CACNA1B: variants seen among roughly 807,000 people sequenced by gnomAD.
CACNA1B encodes voltage-dependent N-type calcium channel subunit alpha-1B.
A neutral mutation model predicts 247.2 loss-of-function variants in CACNA1B; 70 were observed. The ratio of observed to expected loss-of-function variants is 0.28; its 90% CI spans 0.23 to 0.35. The LOEUF is 0.35. Ranked by LOEUF, CACNA1B falls within the 10% of genes least tolerant of loss-of-function variation. CACNA1B has a pLI of 1.00. For missense variants in CACNA1B, 2,367 were observed against 3,197.4 expected (o/e 0.74, Z 6.26); for synonymous variants, 1,231 against 1,294.4 (o/e 0.95, Z 1.05).
chr9:138,025,851 A>G (rs760060170), intron 20 of CACNA1B, among the ~76,000 whole-genome samples: 17 of 152,146 alleles, frequency 1.1e-4, no homozygotes, highest in Non-Finnish European at 2.9e-5. Flanking sequence ...GGGAAGGTGC[A>G]TGGGCGTTTC....
At chr9:138,047,713 T>G (rs533264334) in intron 23 of CACNA1B, among the ~76,000 whole-genome samples, 6 of 152,376 alleles carry the variant, frequency 3.9e-5, no homozygotes, top group Admixed American at 6.5e-5. Flanking sequence ...CTCTGGTTTC[T>G]TGAACACATG....
chr9:138,096,317 G>A (rs577058617), intron 36 of CACNA1B, among the ~76,000 whole-genome samples, 167 bp from the exon 37 acceptor site: 2 of 152,204 alleles, frequency 1.3e-5, no homozygotes, highest in Non-Finnish European at 2.9e-5. Context: ...CGTGAAGGCA[G>A]GAAGTCTTGG....
At position 137,957,318 on chromosome 9, in the gene CACNA1B, A is replaced by T. The variant is rs974413646; in HGVS notation, c.1244-280A>T. ...GTAGTCCTGGCCTTGCCCCAGATGG[A>T]CGTTTCCTGGTCTCCCTGGTGGCCA... On this transcript the variant is annotated intron_variant, in intron 9 of 46. Coordinates refer to ENST00000371372, the MANE Select transcript of CACNA1B (RefSeq NM_000718.4). This position sits in a 1 kb window ranked among gnomAD's most constrained non-coding sequence, Gnocchi z 4.7. Among the ~76,000 whole-genome samples, 21 of 152,220 alleles carry T rather than the reference A, an allele frequency of 1.4e-4. No homozygotes were observed. Among genetic ancestry groups the T allele is most frequent in the Admixed American group, 1.2e-3 (18 of 15,302 alleles).
intron 6 of CACNA1B, among the ~76,000 whole-genome samples, chr9:137,935,075 A>G (rs1179976171): frequency 2.0e-5 from 3 of 152,220 alleles, no homozygotes; most frequent in Non-Finnish European, 4.4e-5. Context: ...GGAAGTCAAA[A>G]AATGATACGA....
intron 3 of CACNA1B, among the ~76,000 whole-genome samples, chr9:137,907,107 T>C (rs1036625471): frequency 1.3e-5 from 2 of 152,232 alleles, no homozygotes; most frequent in African/African-American, 4.8e-5. Context: ...TATCCATAAA[T>C]GATGTAGCGT....
rs1957923799 is a variant in CACNA1B, at chr9:137,954,743, C to T, written c.1071-955C>T. Among the ~76,000 whole-genome samples the T allele has an allele frequency of 6.6e-6, 1 of 152,040 alleles. No homozygotes were observed. Among genetic ancestry groups the T allele is most frequent in the Admixed American group, 6.5e-5 (1 of 15,276 alleles). The stretch of plus-strand genomic sequence containing the variant: ...TGGGCTGTAGCAGCTCAGTGCCTAG[C>T]GGACACTGGCCCTGCGCCCAGGGTC... On this transcript the variant is annotated intron_variant, in intron 7 of 46. Transcript: ENST00000371372. The surrounding 1 kb of genome is among the most constrained non-coding windows in gnomAD (Gnocchi z 4.1).
rs1375671431 is a variant in CACNA1B at position 138,023,092 on chromosome 9, C to G, written c.2349C>G (p.Ser783Arg). 5.9e-6 allele frequency: 9 copies of G among 1,531,170 alleles called. No individual in the cohort carries two copies. Among genetic ancestry groups the G allele is most frequent in the Non-Finnish European group, 7.9e-6 (9 of 1,145,854 alleles). 94.8% of individuals were successfully genotyped at this position (1,531,170 alleles called of 1,614,324 possible). A position where few individuals can be genotyped will look rare whatever the true frequency, so the allele number is the denominator to read the frequency against. ...SQLRLQNLRA[S>R]CEALYSEMDP... ...TACGGCTGCAGAACCTGCGGGCCAG[C>G]TGCGAGGCGCTGTACAGCGAGATGG... The change falls in exon 19 of 47, where the codon AGC becomes AGG. Residue 783 changes from serine (S) to arginine (R), a missense_variant. Physicochemically the swap from Ser to Arg is moderately radical, Grantham distance 110. Around this residue, in one of 12 missense-constraint regions of CACNA1B, gnomAD observed 631 missense variants for 631.1 expected, o/e 1.00. Coordinates refer to ENST00000371372, the MANE Select transcript of CACNA1B (RefSeq NM_000718.4).
chr9:138,098,023 G>A (rs1961114038), intron 37 of CACNA1B, among the ~76,000 whole-genome samples: 1 of 152,228 alleles, frequency 6.6e-6, no homozygotes, highest in Non-Finnish European at 1.5e-5. Flanking sequence ...GCCCTGGGAT[G>A]GGGCCTCTCC....
chr9:138,010,618 C>T lies in CACNA1B; in HGVS notation c.2160+541C>T, dbSNP rs1253748425. 6.6e-6 allele frequency among the ~76,000 whole-genome samples: 1 copy of T among 152,088 alleles called. No homozygotes were observed. The highest frequency in any genetic ancestry group is 1.5e-5 in the Non-Finnish European group (1 of 67,998). On this transcript the variant is annotated intron_variant, in intron 17 of 46. Transcript: ENST00000371372. This position sits in a 1 kb window ranked among gnomAD's most constrained non-coding sequence, Gnocchi z 5.3. The stretch of plus-strand genomic sequence containing the variant: ...CGCAGGCTTGTGTGTTGACTCAAGC[C>T]CTAGCTCCTAGTAGAGGTGGTGCTG...
At chr9:138,028,022 C>CTT (rs1226057823) in intron 20 of CACNA1B, among the ~76,000 whole-genome samples, 3 of 141,110 alleles carry the variant, frequency 2.1e-5, no homozygotes, top group Admixed American at 7.1e-5. Flanking sequence ...TCCCCCCCAA[C>CTT]CTTTTTTTTT....
chr9:137,901,350 T>A (rs566703027), intron 3 of CACNA1B, among the ~76,000 whole-genome samples: 1 of 151,820 alleles, frequency 6.6e-6, no homozygotes, highest in Non-Finnish European at 1.5e-5. Flanking sequence ...CCTGTGTCCG[T>A]GTGTCTGTGT....
rs1157373665 is a variant in CACNA1B at position 137,899,664 on chromosome 9, T to C, written c.531-13516T>C. On this transcript the variant is annotated intron_variant, in intron 3 of 46. Coordinates refer to ENST00000371372, the MANE Select transcript of CACNA1B (RefSeq NM_000718.4). The surrounding 1 kb of genome is among the most constrained non-coding windows in gnomAD (Gnocchi z 5.0). ...AACTGCCGGCTCTCTCCATGGCAACTGCAAGCAGGCTTCTGGGTGAGAACC... is the reference window on the plus strand; with the variant it reads ...AACTGCCGGCTCTCTCCATGGCAACCGCAAGCAGGCTTCTGGGTGAGAACC... 6.6e-6 allele frequency among the ~76,000 whole-genome samples: 1 copy of C among 152,182 alleles called. No homozygotes were observed. The highest frequency in any genetic ancestry group is 1.5e-5 in the Non-Finnish European group (1 of 68,026).
intron 39 of CACNA1B, among the ~76,000 whole-genome samples, chr9:138,108,528 G>C (rs1368679837): frequency 6.6e-6 from 1 of 152,116 alleles, no homozygotes; most frequent in Non-Finnish European, 1.5e-5. Context: ...TTTATTTTCA[G>C]AGGCCAGCTT....
rs968448472 is a variant in CACNA1B at position 137,955,153 on chromosome 9, A to T, written c.1071-545A>T. Among the ~76,000 whole-genome samples the T allele has an allele frequency of 6.6e-6, 1 of 151,610 alleles. No homozygotes were observed. Among genetic ancestry groups the T allele is most frequent in the South Asian group, 2.1e-4 (1 of 4,794 alleles). The stretch of plus-strand genomic sequence containing the variant: ...GAGGCTACGTGGACTCTGCGGTATT[A>T]CCCTTCTGCCTCTGGCCTGCCCTGA... On this transcript the variant is annotated intron_variant, in intron 7 of 46. Coordinates refer to ENST00000371372, the MANE Select transcript of CACNA1B (RefSeq NM_000718.4). The surrounding 1 kb of genome is among the most constrained non-coding windows in gnomAD (Gnocchi z 6.9).
intron 15 of CACNA1B, among the ~76,000 whole-genome samples, chr9:137,992,941 T>G (rs1259289840): frequency 1.3e-5 from 2 of 152,156 alleles, no homozygotes; most frequent in Non-Finnish European, 2.9e-5. Flanking sequence ...ATTTTTGGGT[T>G]AACAATGAAA....
chr9:138,119,976 C>G (rs955238454), intron 44 of CACNA1B, among the ~76,000 whole-genome samples, 189 bp from the exon 45 acceptor site: 2 of 152,214 alleles, frequency 1.3e-5, no homozygotes, highest in African/African-American at 2.4e-5. Flanking sequence ...GGGGCGGGGA[C>G]TCAGGCACTG....
intron 21 of CACNA1B, among the ~76,000 whole-genome samples, chr9:138,046,138 C>T (rs1461506956): frequency 4.6e-5 from 7 of 152,304 alleles, no homozygotes; most frequent in African/African-American, 7.2e-5. Flanking sequence ...TTGATTTCCT[C>T]GCTGCTTCCT....
In CACNA1B at chr9:137,966,420, G is replaced by T. The variant is rs1958077049; in HGVS notation, c.1334-4963G>T. On this transcript the variant is annotated intron_variant, in intron 10 of 46. Coordinates refer to ENST00000371372, the MANE Select transcript of CACNA1B (RefSeq NM_000718.4). ...TTTGCATTTTGTTTAGCAGAGACTG[G>T]GTTTCACCGTGTTAGCCAGGATGGT... is the stretch of plus-strand genomic sequence containing the variant. 2.0e-5 allele frequency among the ~76,000 whole-genome samples: 3 copies of T among 151,188 alleles called. No homozygotes were observed. The South Asian group carries it at 6.3e-4, about 32-fold the overall frequency.
Position 138,096,458 on chromosome 9 carries a change from C to T in CACNA1B, c.5095-26C>T, listed in dbSNP as rs374178051. 7 of 1,609,016 alleles carry T rather than the reference C, an allele frequency of 4.4e-6. No homozygotes were observed. The African/African-American group carries it at 8.0e-5, about 18-fold the overall frequency. On this transcript the variant is annotated intron_variant, in intron 36 of 46. Transcript: ENST00000371372. ...AGGGCAGGCTGAGGTCTCTCTCCGT[C>T]ACCTGTTCTCCTTCCTGTCCTGCAG... is the stretch of plus-strand genomic sequence containing the variant.
Sources: allele counts gnomAD v4.1 joint callset (sites outside exome capture counted in the v4.1 genomes callset), GRCh38; gene constraint gnomAD v4.1.1; regional missense constraint gnomAD v4.1.1; non-coding constraint Gnocchi (gnomAD v3.1); transcripts MANE v1.5; gene names NCBI Gene and HGNC (gene_info 2026-07-23, HGNC 2026-07-21).